The following GLIS3 variants were observed in gnomAD, a reference collection of about 807,000 sequenced individuals.
The protein encoded by GLIS3 is GLIS family zinc finger 3, also known as zinc finger protein GLIS3.
A neutral mutation model predicts 78.6 loss-of-function variants in GLIS3; 53 were observed. That is an observed-to-expected ratio of 0.67 (90% CI 0.54 to 0.85). GLIS3 has a LOEUF of 0.85. Ranked by LOEUF, GLIS3 falls within the 40% of genes least tolerant of loss-of-function variation. The probability of loss-of-function intolerance (pLI) is 0.00; values close to 1 mark genes in which losing one functional copy is unlikely to be tolerated. For missense variants in GLIS3, 1,703 were observed against 1,231.1 expected (o/e 1.38, Z -5.74); for synonymous variants, 684 against 509.9 (o/e 1.34, Z -4.60).
intron 9 of GLIS3, among the ~76,000 whole-genome samples, chr9:3,847,123 G>C (rs1348609702): frequency 6.6e-6 from 1 of 152,202 alleles, no homozygotes; most frequent in Non-Finnish European, 1.5e-5. Context: ...GGCAGAGGTT[G>C]CAGTGAGCCG....
chr9:4,372,412 T>A, the GLIS3 span, among the ~76,000 whole-genome samples: 1 of 152,096 alleles, frequency 6.6e-6, no homozygotes, highest in African/African-American at 2.4e-5. Flanking sequence ...AGCTAATTCC[T>A]AGAGATAGCA....
chr9:4,425,189 T>A, the GLIS3 span, among the ~76,000 whole-genome samples: 8,966 of 152,286 alleles, frequency 0.059, 349 homozygotes, highest in South Asian at 0.1. Flanking sequence ...ACTCCAGATC[T>A]GATTTACATG....
At chr9:4,311,963 C>T (rs866224534) in intron 2 of GLIS3, among the ~76,000 whole-genome samples, 4 of 152,004 alleles carry the variant, frequency 2.6e-5, no homozygotes, top group Non-Finnish European at 4.4e-5. Flanking sequence ...AGAAGAACTA[C>T]AGACAGTGGG....
In GLIS3 at chr9:4,342,677, T is replaced by A. The variant is rs927985035; in HGVS notation, n.264+4404A>T. Reference sequence around the variant, plus strand: ...ATAGGAATAGCATTAAATCTGTAAATTGCTTTGGGCAGTATGGCCATTTTA... The same window carrying A: ...ATAGGAATAGCATTAAATCTGTAAAATGCTTTGGGCAGTATGGCCATTTTA... On this transcript the variant is annotated intron_variant and non_coding_transcript_variant, in intron 2 of 4. Transcript: ENST00000471664. Among the ~76,000 whole-genome samples, 2 of 152,350 alleles carry A rather than the reference T, an allele frequency of 1.3e-5. 1 individual carries two copies. The highest frequency in any genetic ancestry group is 4.1e-4 in the South Asian group (2 of 4,822).
chr9:3,923,329 A>G (rs1377320257), intron 6 of GLIS3, among the ~76,000 whole-genome samples: 2 of 152,194 alleles, frequency 1.3e-5, no homozygotes. Flanking sequence ...GCCTATCTCA[A>G]TAGCCAATAA....
At chr9:4,100,664 C>CA (rs1224734153) in intron 4 of GLIS3, among the ~76,000 whole-genome samples, 1 of 151,980 alleles carries the variant, frequency 6.6e-6, no homozygotes, top group Admixed American at 6.6e-5. Flanking sequence ...TAGCAGGACT[C>CA]AGTTGACTGT....
chr9:4,213,445 T>C (rs1820544672), intron 2 of GLIS3, among the ~76,000 whole-genome samples: 1 of 152,242 alleles, frequency 6.6e-6, no homozygotes, highest in South Asian at 2.1e-4. Context: ...ACAAGGACTG[T>C]CCAGTAGAAC....
intron 2 of GLIS3, among the ~76,000 whole-genome samples, chr9:4,329,166 C>T (rs750273037): frequency 6.6e-6 from 1 of 152,136 alleles, no homozygotes; most frequent in Admixed American, 6.5e-5. Flanking sequence ...ACCTCTGTGG[C>T]CCTTCATTTC....
intron 4 of GLIS3, among the ~76,000 whole-genome samples, chr9:4,015,396 A>G (rs1324100463): frequency 5.3e-5 from 8 of 152,230 alleles, no homozygotes; most frequent in Non-Finnish European, 1.0e-4. Flanking sequence ...TGTTACCTGT[A>G]AAATATTTAC....
rs147030483 is a variant in GLIS3 at position 3,906,576 on chromosome 9, G to C, written c.1984-7741C>G. 1.4e-3 allele frequency among the ~76,000 whole-genome samples: 210 copies of C among 152,252 alleles called. 2 individuals are homozygous for C. Among genetic ancestry groups the C allele is most frequent in the African/African-American group, 4.8e-3 (199 of 41,560 alleles). On this transcript the variant is annotated intron_variant, in intron 6 of 10. Transcript: ENST00000381971. ...CACTGAGATGACTCCTGGACATCCA[G>C]GCGGAGAGAACCTGCAGGTACCTGC...
chr9:4,456,303 G>T, the GLIS3 span, among the ~76,000 whole-genome samples: 1 of 152,178 alleles, frequency 6.6e-6, no homozygotes, highest in East Asian at 1.9e-4. Flanking sequence ...TGACAGATCA[G>T]ATTGATGGTT....
intron 2 of GLIS3, among the ~76,000 whole-genome samples, chr9:4,216,289 G>A (rs1019095143): frequency 6.6e-6 from 1 of 151,810 alleles, no homozygotes; most frequent in African/African-American, 2.4e-5. Context: ...TGGCTAACAT[G>A]GTGAAACCCC....
chr9:4,152,122 G>C lies in GLIS3; in HGVS notation c.389-26181C>G, dbSNP rs1018139545. 9 of 983,426 alleles carry C rather than the reference G, an allele frequency of 9.2e-6. No individual in the cohort carries two copies. The Admixed American group carries it at 4.3e-4, about 47-fold the overall frequency. The allele number at this position is 983,426 out of a possible 1,614,324, so 60.9% of individuals were successfully genotyped here. A position where few individuals can be genotyped will look rare whatever the true frequency, so the allele number is the denominator to read the frequency against. Reference sequence around the variant, plus strand: ...TCTACGGCCATTCAAACCTCTATTAGTTGCCACTTCAGCAGCTGATGAAAA... The same window carrying C: ...TCTACGGCCATTCAAACCTCTATTACTTGCCACTTCAGCAGCTGATGAAAA... On this transcript the variant is annotated intron_variant, in intron 2 of 10. Coordinates refer to ENST00000381971, the MANE Select transcript of GLIS3 (RefSeq NM_001042413.2).
chr9:3,902,380 C>T (rs1425086800), intron 6 of GLIS3, among the ~76,000 whole-genome samples: 2 of 152,172 alleles, frequency 1.3e-5, no homozygotes, highest in East Asian at 3.8e-4. Flanking sequence ...CAGGAATGAT[C>T]TAAAGGGTGA....
intron 2 of GLIS3, among the ~76,000 whole-genome samples, chr9:4,145,379 G>A (rs989381846): frequency 1.3e-5 from 2 of 152,184 alleles, no homozygotes; most frequent in African/African-American, 4.8e-5. Flanking sequence ...TCAATTGTGT[G>A]TGTTATTTTC....
At chr9:3,988,420 G>A (rs543988245) in intron 4 of GLIS3, among the ~76,000 whole-genome samples, 10 of 152,256 alleles carry the variant, frequency 6.6e-5, no homozygotes, top group East Asian at 5.8e-4. Context: ...TACTCAAGAC[G>A]ATGATAAAAA....
chr9:4,179,099 G>A (rs1222848572), intron 2 of GLIS3, among the ~76,000 whole-genome samples: 1 of 152,168 alleles, frequency 6.6e-6, no homozygotes, highest in Admixed American at 6.5e-5. Flanking sequence ...TTCACACCTT[G>A]GACATTGTTT....
At chr9:4,379,032 G>T in the GLIS3 span, among the ~76,000 whole-genome samples, 1 of 152,168 alleles carries the variant, frequency 6.6e-6, no homozygotes, top group Non-Finnish European at 1.5e-5. Context: ...TATAAGCTCC[G>T]TGCTGTTTTC....
intron 2 of GLIS3, among the ~76,000 whole-genome samples, chr9:4,140,959 C>A (rs144364329): frequency 2.6e-5 from 4 of 152,198 alleles, no homozygotes; most frequent in African/African-American, 9.6e-5. Context: ...CCACCACGCT[C>A]AGCTAATTTT....
Sources: allele counts gnomAD v4.1 joint callset (sites outside exome capture counted in the v4.1 genomes callset), GRCh38; gene constraint gnomAD v4.1.1; transcripts MANE v1.5; gene names NCBI Gene and HGNC (gene_info 2026-07-23, HGNC 2026-07-21).